LYPLAL1: variants seen among roughly 807,000 people sequenced by gnomAD.
LYPLAL1 encodes lysophospholipase like 1, also known as lysophospholipase-like protein 1.
Under a neutral mutation model 19.7 loss-of-function variants are expected in LYPLAL1, and 23 were observed. The ratio of observed to expected loss-of-function variants is 1.17; its 90% CI spans 0.84 to 1.65. The LOEUF (loss-of-function observed/expected upper bound fraction) is 1.65. Among genes scored for constraint, LYPLAL1 ranks in the 40% most tolerant of loss-of-function variants. The probability of loss-of-function intolerance (pLI) is 0.00; values close to 1 mark genes in which losing one functional copy is unlikely to be tolerated. For synonymous variants in LYPLAL1, 119 were observed against 96.3 expected (o/e 1.24, Z -1.38); for missense variants, 355 against 279.4 (o/e 1.27, Z -1.93).
chr1:219,324,153 G>A, the LYPLAL1 span, among the ~76,000 whole-genome samples: 1 of 152,142 alleles, frequency 6.6e-6, no homozygotes, highest in African/African-American at 2.4e-5. Context: ...TGACCAGATG[G>A]TTGTTACTAG....
At chr1:219,441,896 G>A in the LYPLAL1 span, among the ~76,000 whole-genome samples, 2 of 152,150 alleles carry the variant, frequency 1.3e-5, no homozygotes, top group South Asian at 4.1e-4. Context: ...AGTATTATCT[G>A]TTCCAATTAC....
the LYPLAL1 span, among the ~76,000 whole-genome samples, chr1:219,263,790 C>T: frequency 6.6e-6 from 1 of 152,268 alleles, no homozygotes; most frequent in South Asian, 2.1e-4. Flanking sequence ...ATCTTTTTCT[C>T]ATGACCTGGA....
the LYPLAL1 span, chr1:219,223,017 C>A: frequency 1.3e-5 from 2 of 152,090 alleles, no homozygotes; most frequent in African/African-American, 4.8e-5. Flanking sequence ...TTAATACCAT[C>A]ACCTTGGGGT....
the LYPLAL1 span, among the ~76,000 whole-genome samples, chr1:219,426,397 G>GA: frequency 5.4e-4 from 82 of 151,916 alleles, no homozygotes; most frequent in African/African-American, 1.9e-3. Context: ...AGTTTCATAG[G>GA]AAAAAAAATT....
At chr1:219,354,992 T>G in the LYPLAL1 span, among the ~76,000 whole-genome samples, 3 of 152,002 alleles carry the variant, frequency 2.0e-5, no homozygotes, top group Non-Finnish European at 4.4e-5. Flanking sequence ...AGTGGAAAAA[T>G]AGATGAATAT....
the LYPLAL1 span, among the ~76,000 whole-genome samples, chr1:219,340,144 C>T: frequency 6.6e-6 from 1 of 151,914 alleles, no homozygotes; most frequent in Non-Finnish European, 1.5e-5. Flanking sequence ...GAACAAAATG[C>T]ACAGCTTACA....
chr1:219,264,300 A>G, the LYPLAL1 span, among the ~76,000 whole-genome samples: 1 of 152,182 alleles, frequency 6.6e-6, no homozygotes, highest in African/African-American at 2.4e-5. Context: ...GAATTTAAGT[A>G]TATTATCTCT....
chr1:219,231,119 T>C, the LYPLAL1 span, among the ~76,000 whole-genome samples: 10 of 152,370 alleles, frequency 6.6e-5, no homozygotes, highest in African/African-American at 2.4e-4. Flanking sequence ...TCCTTCTTGC[T>C]GGTATATTGA....
the LYPLAL1 span, among the ~76,000 whole-genome samples, chr1:219,386,969 C>G: frequency 1.3e-5 from 2 of 152,206 alleles, no homozygotes; most frequent in African/African-American, 4.8e-5. Context: ...TATCTATCCC[C>G]TAATCCACTA....
At chr1:219,217,952 A>C in the LYPLAL1 span, among the ~76,000 whole-genome samples, 13 of 152,060 alleles carry the variant, frequency 8.5e-5, no homozygotes, top group Non-Finnish European at 1.6e-4. Flanking sequence ...GGAGAGAGAC[A>C]CATTAGGATG....
chr1:219,443,229 G>A, the LYPLAL1 span, among the ~76,000 whole-genome samples: 2 of 152,130 alleles, frequency 1.3e-5, no homozygotes, highest in South Asian at 4.1e-4. Context: ...CTTTTATTCA[G>A]CAATGTATCA....
the LYPLAL1 span, among the ~76,000 whole-genome samples, chr1:219,317,967 C>G: frequency 6.6e-6 from 1 of 152,156 alleles, no homozygotes; most frequent in South Asian, 2.1e-4. Flanking sequence ...CAGCAAGAAG[C>G]AAAAGCAATA....
At chr1:219,185,146 T>G (rs2125043372) in intron 2 of LYPLAL1, among the ~76,000 whole-genome samples, 1 of 152,118 alleles carries the variant, frequency 6.6e-6, no homozygotes, top group Admixed American at 6.6e-5. Flanking sequence ...GTATTTCTCA[T>G]GAAATTTGTA....
At chr1:219,187,789 A>G (rs1656844504) in intron 2 of LYPLAL1, among the ~76,000 whole-genome samples, 1 of 151,802 alleles carries the variant, frequency 6.6e-6, no homozygotes, top group Non-Finnish European at 1.5e-5. Flanking sequence ...GAAGCATGAT[A>G]GTAGGAGAGC....
the LYPLAL1 span, among the ~76,000 whole-genome samples, chr1:219,241,396 T>G: frequency 2.0e-5 from 3 of 151,862 alleles, no homozygotes; most frequent in Admixed American, 6.6e-5. Flanking sequence ...TCCTAACATA[T>G]ACAAGAAAAC....
the LYPLAL1 span, among the ~76,000 whole-genome samples, chr1:219,281,288 TAAAAAA>T: frequency 1.3e-5 from 2 of 148,292 alleles, no homozygotes; most frequent in Admixed American, 1.4e-4. Context: ...GCCAGTAACT[TAAAAAA>T]ATAAAAATAA....
the LYPLAL1 span, among the ~76,000 whole-genome samples, chr1:219,347,622 A>G: frequency 3.3e-5 from 5 of 152,188 alleles, no homozygotes; most frequent in African/African-American, 1.2e-4. Context: ...CTGCCAATAG[A>G]TGCTGTGATC....
chr1:219,311,580 A>G, the LYPLAL1 span, among the ~76,000 whole-genome samples: 3 of 140,972 alleles, frequency 2.1e-5, no homozygotes, highest in Admixed American at 7.1e-5. Flanking sequence ...TCATCTTTCT[A>G]TCATTCTCTT....
At chr1:219,426,450 A>G in the LYPLAL1 span, among the ~76,000 whole-genome samples, 17 of 152,218 alleles carry the variant, frequency 1.1e-4, no homozygotes, top group Admixed American at 1.1e-3. Context: ...TTTTTAAAGT[A>G]CTAGCTGTTG....
Sources: gnomAD v4.1 joint callset for allele counts (sites outside exome capture counted in the v4.1 genomes callset) on GRCh38, gnomAD v4.1.1 for gene constraint, MANE v1.5 for transcripts, NCBI Gene and HGNC (gene_info 2026-07-23, HGNC 2026-07-21) for gene names.